The following ABCC1 variants were observed in gnomAD, a reference collection of about 807,000 sequenced individuals.
ABCC1 encodes the protein ATP binding cassette subfamily C member 1 (ABCC1 blood group), also known as multidrug resistance-associated protein 1.
In ABCC1, 83 loss-of-function variants were observed where a neutral mutation model predicts 172.9. The observed-to-expected ratio is 0.48, with a 90% CI of 0.40 to 0.58. The LOEUF is 0.58. ABCC1 is among the 20% of genes least tolerant of loss of function. ABCC1 has a pLI of 0.00. For missense variants in ABCC1, 1,817 were observed against 2,002.7 expected (o/e 0.91, Z 1.77); for synonymous variants, 937 against 825.2 (o/e 1.14, Z -2.32).
intron 1 of ABCC1, among the ~76,000 whole-genome samples, chr16:15,996,902 A>C (rs1357730541): frequency 6.6e-6 from 1 of 152,144 alleles, no homozygotes; most frequent in East Asian, 1.9e-4. Flanking sequence ...CCCAGAAAAC[A>C]TGACGCTATG....
intron 12 of ABCC1, among the ~76,000 whole-genome samples, chr16:16,057,362 A>T (rs2049706150): frequency 6.9e-6 from 1 of 145,458 alleles, no homozygotes. Flanking sequence ...CTGTCTCAAA[A>T]AAGTAAAAAA....
At chr16:16,103,999 T>C (rs1422290532) in intron 20 of ABCC1, among the ~76,000 whole-genome samples, 1 of 152,252 alleles carries the variant, frequency 6.6e-6, no homozygotes, top group Admixed American at 6.5e-5. Flanking sequence ...GGAGTGAAGC[T>C]GCAGACCTTC....
intron 1 of ABCC1, among the ~76,000 whole-genome samples, chr16:15,997,371 G>A (rs1325055890): frequency 3.3e-5 from 5 of 152,184 alleles, no homozygotes; most frequent in Admixed American, 6.5e-5. Context: ...GATTATAGGC[G>A]TGAGCCACCG....
At chr16:16,097,526 T>C (rs921308452) in intron 19 of ABCC1, among the ~76,000 whole-genome samples, 1 of 152,208 alleles carries the variant, frequency 6.6e-6, no homozygotes, top group Admixed American at 6.5e-5. Context: ...CCTTGGCTGT[T>C]CAAGGCATGT....
chr16:16,099,801 G>A (rs559589996), intron 19 of ABCC1, among the ~76,000 whole-genome samples: 3 of 152,154 alleles, frequency 2.0e-5, no homozygotes, highest in Admixed American at 1.3e-4. Flanking sequence ...AGCCAACAGG[G>A]GGCCAGGCAC....
rs539255988 is a variant in ABCC1, at chr16:15,978,341, C to G, written c.48+28542C>G. 3.3e-5 allele frequency among the ~76,000 whole-genome samples: 5 copies of G among 152,248 alleles called. No individual in the cohort carries two copies. The South Asian group carries it at 1.0e-3, about 32-fold the overall frequency. On this transcript the variant is annotated intron_variant, in intron 1 of 30. Coordinates refer to ENST00000399410, the MANE Select transcript of ABCC1 (RefSeq NM_004996.4). ...TGATTGCACACGACTGCTTTCCAGC[C>G]TGGGCAACAGAGTGAAACCCCATCT...
At chr16:16,140,950 G>A (rs2046104080) in intron 30 of ABCC1, among the ~76,000 whole-genome samples, 1 of 152,236 alleles carries the variant, frequency 6.6e-6, no homozygotes, top group African/African-American at 2.4e-5. Flanking sequence ...TTCACACCAT[G>A]ATTGATGTGG....
intron 15 of ABCC1, 72 bp downstream of exon 15, chr16:16,076,473 T>A: frequency 7.1e-7 from 1 of 1,403,780 alleles, no homozygotes; most frequent in Non-Finnish European, 9.6e-7. Flanking sequence ...TGGATTCGAA[T>A]TCCCACCGTG....
chr16:16,061,666 C>T (rs1258454799), intron 12 of ABCC1, among the ~76,000 whole-genome samples: 1 of 151,998 alleles, frequency 6.6e-6, no homozygotes, highest in African/African-American at 2.4e-5. Context: ...GGATACATGT[C>T]ATACATGTAG....
At chr16:15,956,352 A>G (rs2045997566) in intron 1 of ABCC1, among the ~76,000 whole-genome samples, 1 of 151,840 alleles carries the variant, frequency 6.6e-6, no homozygotes, top group South Asian at 2.1e-4. Context: ...GTGACAGAGT[A>G]AGACTCTGTC....
At chr16:15,993,872 G>A (rs1169356468) in intron 1 of ABCC1, among the ~76,000 whole-genome samples, 6 of 151,988 alleles carry the variant, frequency 3.9e-5, no homozygotes, top group African/African-American at 7.3e-5. Context: ...CTTGATCTCC[G>A]GCCCTGGAGA....
chr16:16,090,544 G>A lies in ABCC1; in HGVS notation c.2600G>A (p.Arg867His), dbSNP rs778539912. Residue 867 changes from arginine (R) to histidine (H), a missense_variant, in exon 19 of 31, where the codon CGT becomes CAT. Arg to His is a conservative substitution (Grantham distance 29). Transcript: ENST00000399410. ...ARDGAFAEFL[R>H]TYASTEQEQD... ...GACGGCGCCTTCGCTGAGTTCCTGC[G>A]TACCTATGCCAGCACAGAGCAGGAG... The A allele has an allele frequency of 1.3e-5, 21 of 1,613,396 alleles. No individual in the cohort carries two copies. Among genetic ancestry groups the A allele is most frequent in the Non-Finnish European group, 1.6e-5 (19 of 1,179,644 alleles).
At chr16:16,132,511 T>G (rs112312940) in intron 27 of ABCC1, among the ~76,000 whole-genome samples, 156 of 19,294 alleles carry the variant, frequency 8.1e-3, no homozygotes, top group Middle Eastern at 0.038. Flanking sequence ...TGGTTGGTTG[T>G]TTTTTTTTTT....
chr16:16,059,332 C>T (rs74011385), intron 12 of ABCC1, among the ~76,000 whole-genome samples: 8,822 of 152,232 alleles, frequency 0.058, 290 homozygotes, highest in Middle Eastern at 0.14. Context: ...CCGGGCCATA[C>T]AGTCTCTGTC....
chr16:15,989,382 G>C (rs962546079), intron 1 of ABCC1, among the ~76,000 whole-genome samples: 4 of 152,158 alleles, frequency 2.6e-5, no homozygotes, highest in African/African-American at 9.7e-5. Flanking sequence ...CTTGCCTCCT[G>C]CTGTGTCGGG....
At chr16:16,097,613 A>G (rs1198743770) in intron 19 of ABCC1, among the ~76,000 whole-genome samples, 2 of 152,242 alleles carry the variant, frequency 1.3e-5, no homozygotes, top group African/African-American at 4.8e-5. Flanking sequence ...AGGAGAAAAT[A>G]GGAGTGGATT....
intron 1 of ABCC1, among the ~76,000 whole-genome samples, chr16:15,969,951 G>T (rs1326247769): frequency 6.6e-6 from 1 of 152,058 alleles, no homozygotes; most frequent in Admixed American, 6.6e-5. Context: ...CAGTCTTGTT[G>T]GGGAAATGGC....
intron 26 of ABCC1, among the ~76,000 whole-genome samples, chr16:16,128,786 G>A (rs769195931): frequency 1.3e-5 from 2 of 152,074 alleles, no homozygotes; most frequent in Non-Finnish European, 2.9e-5. Flanking sequence ...ATCACTTGAA[G>A]CCAGGAGTTC....
intron 27 of ABCC1, among the ~76,000 whole-genome samples, chr16:16,133,492 C>T (rs1407989450): frequency 6.6e-6 from 1 of 152,126 alleles, no homozygotes. Flanking sequence ...CAACCTCCGT[C>T]CCCTGGGTTC....
Sources: gnomAD v4.1 joint callset for allele counts (sites outside exome capture counted in the v4.1 genomes callset) on GRCh38, gnomAD v4.1.1 for gene constraint, MANE v1.5 for transcripts, NCBI Gene and HGNC (gene_info 2026-07-23, HGNC 2026-07-21) for gene names.